Variants in CDKAL1 observed in about 807,000 individuals in gnomAD.
CDKAL1 encodes the protein CDKAL1 threonylcarbamoyladenosine tRNA methylthiotransferase, also known as threonylcarbamoyladenosine tRNA methylthiotransferase.
Under a neutral mutation model 68.2 loss-of-function variants are expected in CDKAL1, and 32 were observed. The ratio of observed to expected loss-of-function variants is 0.47; its 90% confidence interval spans 0.35 to 0.63. The LOEUF is 0.63. Among genes scored for constraint, CDKAL1 ranks in the 30% least tolerant of loss-of-function variants. CDKAL1 has a pLI of 0.00. For missense variants in CDKAL1, 606 were observed against 696.7 expected, an observed-to-expected ratio of 0.87 and a Z score of 1.47; for synonymous variants, 234 against 244.3, an observed-to-expected ratio of 0.96 and a Z score of 0.39.
intron 4 of CDKAL1, among the ~76,000 whole-genome samples, chr6:20,616,391 TA>T (rs1429826901): frequency 6.9e-6 from 1 of 144,652 alleles, no homozygotes; most frequent in East Asian, 2.0e-4. Context: ...ATTTTCACGA[TA>T]TTGATTCTTC....
intron 15 of CDKAL1, among the ~76,000 whole-genome samples, chr6:21,204,165 A>T (rs1778805533): frequency 6.6e-6 from 1 of 152,194 alleles, no homozygotes; most frequent in African/African-American, 2.4e-5. Flanking sequence ...ATCATCAAAG[A>T]TTGGGATCAA....
intron 13 of CDKAL1, among the ~76,000 whole-genome samples, chr6:21,193,383 C>T (rs374801271): frequency 1.2e-4 from 19 of 152,206 alleles, no homozygotes; most frequent in African/African-American, 4.3e-4. Flanking sequence ...TCCTATGAAA[C>T]CTTTGGATGT....
intron 4 of CDKAL1, among the ~76,000 whole-genome samples, chr6:20,578,071 T>G (rs952255190): frequency 6.6e-6 from 1 of 152,242 alleles, no homozygotes; most frequent in Non-Finnish European, 1.5e-5. Flanking sequence ...ATATTTCTTA[T>G]GCAGTTATTG....
chr6:21,021,521 T>G (rs1768667696), intron 11 of CDKAL1, among the ~76,000 whole-genome samples: 1 of 152,210 alleles, frequency 6.6e-6, no homozygotes, highest in African/African-American at 2.4e-5. Context: ...GAAAATATTT[T>G]ATTTTCTTTC....
intron 13 of CDKAL1, among the ~76,000 whole-genome samples, chr6:21,142,686 G>C (rs1015673070): frequency 6.6e-6 from 1 of 152,206 alleles, no homozygotes; most frequent in Non-Finnish European, 1.5e-5. Flanking sequence ...ACCAAAGTAC[G>C]AATAGAATGC....
chr6:20,642,695 A>T (rs1768238809), intron 4 of CDKAL1, among the ~76,000 whole-genome samples: 1 of 152,150 alleles, frequency 6.6e-6, no homozygotes, highest in South Asian at 2.1e-4. Context: ...TTTGTGGAGA[A>T]GAATTTTACA....
At chr6:21,071,551 C>A (rs765295975) in intron 12 of CDKAL1, among the ~76,000 whole-genome samples, 1 of 152,202 alleles carries the variant, frequency 6.6e-6, no homozygotes, top group Non-Finnish European at 1.5e-5. Context: ...ATTCCAAAAT[C>A]TCCAGTATTT....
intron 5 of CDKAL1, among the ~76,000 whole-genome samples, chr6:20,699,321 A>G (rs1771241474): frequency 1.3e-5 from 2 of 152,004 alleles, no homozygotes; most frequent in South Asian, 2.1e-4. Context: ...TTTGGGGATA[A>G]TTAATCAGAT....
At chr6:21,217,799 T>A (rs1298333161) in intron 15 of CDKAL1, among the ~76,000 whole-genome samples, 2 of 152,138 alleles carry the variant, frequency 1.3e-5, no homozygotes, top group African/African-American at 4.8e-5. Context: ...CATCTGGCTA[T>A]TTTTGCAGAG....
chr6:20,984,873 G>T (rs1766368553), intron 10 of CDKAL1, among the ~76,000 whole-genome samples: 1 of 151,998 alleles, frequency 6.6e-6, no homozygotes, highest in Non-Finnish European at 1.5e-5. Flanking sequence ...CAGGAAAACA[G>T]GGATGTAAGT....
At chr6:20,730,552 A>T (rs1264671539) in intron 5 of CDKAL1, among the ~76,000 whole-genome samples, 1 of 152,076 alleles carries the variant, frequency 6.6e-6, no homozygotes, top group African/African-American at 2.4e-5. Flanking sequence ...AAGTACTGTG[A>T]AAAAGAAATA....
chr6:20,626,032 C>T (rs1020903050), intron 4 of CDKAL1, among the ~76,000 whole-genome samples: 1 of 152,086 alleles, frequency 6.6e-6, no homozygotes, highest in Admixed American at 6.5e-5. Flanking sequence ...GGTGGAGGGT[C>T]CCACGGATGT....
chr6:21,065,692 GT>G (rs1185735955), intron 12 of CDKAL1, among the ~76,000 whole-genome samples: 1 of 72,446 alleles, frequency 1.4e-5, no homozygotes, highest in Non-Finnish European at 2.9e-5. Context: ...TTTTTTTTCA[GT>G]TTTTTCACAA....
rs1768261066 is a variant in CDKAL1, at chr6:20,642,996, A to T, written c.287-6297A>T. Among the ~76,000 whole-genome samples, 5 of 152,212 alleles carry T rather than the reference A, an allele frequency of 3.3e-5. No individual in the cohort carries two copies. In the South Asian group the frequency reaches 1.0e-3, roughly 31 times the overall value. ...TCTAGATTCCATCTGTCTAGCCTGA[A>T]GTTTGCAGCTCTCCAAAATAGATCT... is the stretch of plus-strand genomic sequence containing the variant. On this transcript the variant is annotated intron_variant, in intron 4 of 15. Coordinates refer to ENST00000274695, the MANE Select transcript of CDKAL1 (RefSeq NM_017774.3).
At position 20,911,100 on chromosome 6, in the gene CDKAL1, T is replaced by C. The variant is rs571119557; in HGVS notation, c.743-44319T>C. On this transcript the variant is annotated intron_variant, in intron 9 of 15. Transcript: ENST00000274695. The stretch of plus-strand genomic sequence containing the variant: ...AACTAATGCATGTAATGCAAACTAA[T>C]AGCCTTTGTAGAGTAGTGGTCATGT... 1.2e-4 allele frequency among the ~76,000 whole-genome samples: 19 copies of C among 152,370 alleles called. No individual in the cohort carries two copies. The East Asian group carries it at 3.5e-3, about 28-fold the overall frequency.
At chr6:20,935,649 C>T (rs1428409986) in intron 9 of CDKAL1, among the ~76,000 whole-genome samples, 3 of 151,918 alleles carry the variant, frequency 2.0e-5, no homozygotes, top group South Asian at 2.1e-4. Context: ...AGACTGGTCT[C>T]GAACTCCTGA....
At chr6:20,775,466 TAAAG>T (rs1305982211) in intron 7 of CDKAL1, among the ~76,000 whole-genome samples, 1 of 152,204 alleles carries the variant, frequency 6.6e-6, no homozygotes, top group Non-Finnish European at 1.5e-5. Flanking sequence ...AAGGATCAAA[TAAAG>T]AAGGAATGTG....
chr6:20,811,419 G>T (rs1265885119), intron 8 of CDKAL1, among the ~76,000 whole-genome samples: 1 of 152,158 alleles, frequency 6.6e-6, no homozygotes. Context: ...TACTCACCTT[G>T]TGTCTTAAGT....
At chr6:20,758,697 A>G in intron 7 of CDKAL1, 54 bp downstream of exon 7, 2 of 1,334,830 alleles carry the variant, frequency 1.5e-6, no homozygotes, top group Admixed American at 3.9e-5. Context: ...ACTACATAGT[A>G]GAAACACCAC....
Sources: allele counts gnomAD v4.1 joint callset (sites outside exome capture counted in the v4.1 genomes callset), GRCh38; gene constraint gnomAD v4.1.1; transcripts MANE v1.5; gene names NCBI Gene and HGNC (gene_info 2026-07-23, HGNC 2026-07-21).